The following MYH11 variants were observed in gnomAD, a reference collection of about 807,000 sequenced individuals.
The protein encoded by MYH11 is myosin heavy chain 11.
Under a neutral mutation model 246.6 loss-of-function variants are expected in MYH11, and 80 were observed. The observed-to-expected ratio is 0.32, with a 90% CI of 0.27 to 0.39. The LOEUF (loss-of-function observed/expected upper bound fraction) is 0.39. MYH11 is among the 10% of genes least tolerant of loss of function. MYH11 has a pLI of 1.00. For synonymous variants in MYH11, 1,071 were observed against 1,015.5 expected (o/e 1.05, Z -1.04); for missense variants, 2,158 against 2,546.8 (o/e 0.85, Z 3.29).
At chr16:15,759,837 C>T in intron 11 of MYH11, 109 bp from the exon 12 acceptor site, 1 of 1,405,374 alleles carries the variant, frequency 7.1e-7, no homozygotes, top group Non-Finnish European at 9.8e-7. Flanking sequence ...GTGACTCACA[C>T]TGTAATCCCA....
chr16:15,749,858 AG>A, intron 16 of MYH11: 2 of 564,744 alleles, frequency 3.5e-6, no homozygotes, highest in Non-Finnish European at 6.3e-6. Context: ...CCCAGCACCC[AG>A]GACAGGGCAG....
At chr16:15,831,384 G>C (rs1044030683) in intron 2 of MYH11, among the ~76,000 whole-genome samples, 8 of 151,720 alleles carry the variant, frequency 5.3e-5, no homozygotes, top group Non-Finnish European at 1.2e-4. Flanking sequence ...TGAACAGACA[G>C]AAAAAACTAT....
At chr16:15,769,955 C>T (rs1266312294) in intron 9 of MYH11, among the ~76,000 whole-genome samples, 1 of 152,154 alleles carries the variant, frequency 6.6e-6, no homozygotes, top group African/African-American at 2.4e-5. Context: ...GCCACTGTGC[C>T]CAGCCTGTTC....
intron 40 of MYH11, among the ~76,000 whole-genome samples, chr16:15,706,046 G>A (rs56403331): frequency 2.0e-5 from 3 of 148,026 alleles, no homozygotes; most frequent in Non-Finnish European, 4.4e-5. Flanking sequence ...AGAGGAATTC[G>A]CAAATGACCC....
At chr16:15,741,385 C>T (rs1188201816) in intron 22 of MYH11, 78 bp downstream of exon 22, 4 of 1,486,978 alleles carry the variant, frequency 2.7e-6, no homozygotes, top group South Asian at 2.3e-5. Flanking sequence ...ACACATATCC[C>T]TGGATGCACC....
chr16:15,787,243 T>TA (rs1216060775), intron 4 of MYH11, among the ~76,000 whole-genome samples: 4 of 150,588 alleles, frequency 2.7e-5, no homozygotes, highest in Admixed American at 2.6e-4. Flanking sequence ...CCTGACTCTA[T>TA]AAAAAATAAG....
In MYH11 at chr16:15,804,736, T is replaced by C. The variant is rs139108652; in HGVS notation, c.503-6049A>G. Among the ~76,000 whole-genome samples, 532 of 152,294 alleles carry C rather than the reference T, an allele frequency of 3.5e-3. 2 individuals are homozygous for C. Among genetic ancestry groups the C allele is most frequent in the African/African-American group, 0.012 (517 of 41,568 alleles). On this transcript the variant is annotated intron_variant, in intron 3 of 40. Coordinates refer to ENST00000300036, the MANE Select transcript of MYH11 (RefSeq NM_002474.3). ...TCTATGGTCTTACCTATTCTAGATA[T>C]TTTTGCATAAATGGAATTATAACAT... is the stretch of plus-strand genomic sequence containing the variant.
intron 40 of MYH11, among the ~76,000 whole-genome samples, chr16:15,704,735 T>C (rs764420554): frequency 7.2e-5 from 11 of 152,224 alleles, no homozygotes; most frequent in Admixed American, 2.0e-4. Context: ...TTTTCCCCAC[T>C]GCAGGGACTG....
At chr16:15,770,560 A>C (rs1433785573) in intron 9 of MYH11, among the ~76,000 whole-genome samples, 2 of 152,076 alleles carry the variant, frequency 1.3e-5, no homozygotes, top group Admixed American at 1.3e-4. Flanking sequence ...TGATCACCAG[A>C]GCAACCCCTC....
At chr16:15,763,308 A>G (rs2041909112) in intron 10 of MYH11, among the ~76,000 whole-genome samples, 1 of 151,688 alleles carries the variant, frequency 6.6e-6, no homozygotes, top group Admixed American at 6.6e-5. Context: ...TCCCAGTGGC[A>G]TATTGCAGGG....
intron 9 of MYH11, among the ~76,000 whole-genome samples, chr16:15,770,532 A>G (rs1036731891): frequency 6.6e-6 from 1 of 152,132 alleles, no homozygotes; most frequent in Non-Finnish European, 1.5e-5. Flanking sequence ...TGGTTGGATG[A>G]TTTTGATCAA....
At position 15,715,283 on chromosome 16, in the gene MYH11, C is replaced by T. The variant is rs771836807; in HGVS notation, c.5505-11G>A. On this transcript the variant is annotated splice_polypyrimidine_tract_variant and intron_variant, in intron 38 of 40. Coordinates refer to ENST00000300036, the MANE Select transcript of MYH11 (RefSeq NM_002474.3). Reference sequence around the variant, plus strand: ...GCCGCCTGTTTCTCTCTGCAAACAGCAAGGAAAACAGGTGGTTTCAGCGGA... The same window carrying T: ...GCCGCCTGTTTCTCTCTGCAAACAGTAAGGAAAACAGGTGGTTTCAGCGGA... 1.2e-6 allele frequency: 2 copies of T among 1,613,856 alleles called. No homozygotes were observed. Among genetic ancestry groups the T allele is most frequent in the Non-Finnish European group, 8.5e-7 (1 of 1,179,872 alleles).
At chr16:15,763,738 A>AGCTCGGGGCCCCCCCCCC in intron 10 of MYH11, 58 bp downstream of exon 10, 1 of 717,694 alleles carries the variant, frequency 1.4e-6, no homozygotes. Context: ...GTTAAATGTC[A>AGCTCGGGGCCCCCCCCCC]CCTCCCCCAC....
intron 1 of MYH11, among the ~76,000 whole-genome samples, chr16:15,845,092 C>T (rs914464223): frequency 2.0e-5 from 3 of 152,066 alleles, no homozygotes; most frequent in Non-Finnish European, 2.9e-5. Flanking sequence ...GGGTGACTTA[C>T]GTAGATCTGA....
At chr16:15,729,529 G>C (rs1279224326) in intron 27 of MYH11, among the ~76,000 whole-genome samples, 2 of 149,918 alleles carry the variant, frequency 1.3e-5, no homozygotes, top group African/African-American at 4.9e-5. Context: ...TTCTGTCTGG[G>C]GCCTCACTCT....
chr16:15,715,974 A>C (rs908203072), intron 38 of MYH11, among the ~76,000 whole-genome samples: 1 of 152,072 alleles, frequency 6.6e-6, no homozygotes, highest in Non-Finnish European at 1.5e-5. Context: ...AAAAAATACA[A>C]TTACAAGCTG....
intron 6 of MYH11, among the ~76,000 whole-genome samples, chr16:15,781,895 G>T (rs549123169): frequency 1.6e-4 from 24 of 152,310 alleles, no homozygotes; most frequent in African/African-American, 5.3e-4. Flanking sequence ...GTGCCTACCA[G>T]AGTAATTGTA....
rs2151291413 is a variant in MYH11 at position 15,771,684 on chromosome 16, G to A, written c.918C>T (p.Asn306=). ...CAAAGCCATTGGAGAGGAAGGTGTA[G>A]TTGTTGAAGCCCTCCAAAAGCAAGT... The part of the protein sequence containing the change: ...RSDLLLEGFN[N]YTFLSNGFVP... The change falls in exon 9 of 41, where the codon AAC becomes AAT. Residue 306 remains asparagine, a synonymous_variant. Coordinates refer to ENST00000300036, the MANE Select transcript of MYH11 (RefSeq NM_002474.3). 1 of 1,614,154 alleles carries A rather than the reference G, an allele frequency of 6.2e-7. No homozygotes were observed. The highest frequency in any genetic ancestry group is 8.5e-7 in the Non-Finnish European group (1 of 1,180,034).
chr16:15,841,067 A>T (rs1454692259), intron 1 of MYH11, among the ~76,000 whole-genome samples: 2 of 152,210 alleles, frequency 1.3e-5, no homozygotes, highest in Non-Finnish European at 2.9e-5. Context: ...AAAAATAATT[A>T]TATGTCCATC....
Sources: allele counts gnomAD v4.1 joint callset (sites outside exome capture counted in the v4.1 genomes callset), GRCh38; gene constraint gnomAD v4.1.1; transcripts MANE v1.5; gene names NCBI Gene and HGNC (gene_info 2026-07-23, HGNC 2026-07-21).